BIN1: variants seen among roughly 807,000 people sequenced by gnomAD.
BIN1 encodes myc box-dependent-interacting protein 1.
A neutral mutation model predicts 82.0 loss-of-function variants in BIN1; 53 were observed. The observed-to-expected ratio is 0.65, with a 90% CI of 0.52 to 0.81. The LOEUF (loss-of-function observed/expected upper bound fraction) is 0.81. BIN1 is among the 40% of genes least tolerant of loss of function. The pLI, the probability that BIN1 is intolerant of heterozygous loss-of-function variation, is 0.00. For missense variants in BIN1, 642 were observed against 784.4 expected, an observed-to-expected ratio of 0.82 and a Z score of 2.17; for synonymous variants, 302 against 328.0, an observed-to-expected ratio of 0.92 and a Z score of 0.86.
chr2:127,102,282 C>A (rs1390630504), intron 1 of BIN1, among the ~76,000 whole-genome samples: 2 of 152,116 alleles, frequency 1.3e-5, no homozygotes, highest in African/African-American at 4.8e-5. Flanking sequence ...CTGGGCTGGA[C>A]GCTGAGTCCA....
chr2:127,077,333 C>A (rs953201872), intron 1 of BIN1, among the ~76,000 whole-genome samples: 2 of 148,916 alleles, frequency 1.3e-5, no homozygotes, highest in African/African-American at 2.5e-5. Context: ...CACACACACA[C>A]ACACAAAACA....
intron 1 of BIN1, among the ~76,000 whole-genome samples, chr2:127,095,281 G>A (rs1450872658): frequency 6.6e-6 from 1 of 152,176 alleles, no homozygotes; most frequent in Non-Finnish European, 1.5e-5. Flanking sequence ...GAGGTGGGAG[G>A]TATGCTTCTC....
In BIN1 at chr2:127,106,790, TA is replaced by T. The variant is rs977996875; in HGVS notation, c.84+69del. 52 of 1,524,258 alleles carry T rather than the reference TA, an allele frequency of 3.4e-5. No homozygotes were observed. The African/African-American group carries it at 5.5e-4, about 16-fold the overall frequency. The allele number at this position is 1,524,258 out of a possible 1,614,324, so 94.4% of individuals were successfully genotyped here. On this transcript the variant is annotated intron_variant, in intron 1 of 18. Transcript: ENST00000316724. ...AGGACCAGGCCCCGGGGTCGGAGGA[TA>T]GGGGGACAGGTGGCCGGGGCTCCGC...
chr2:127,091,482 A>C (rs1349888443), intron 1 of BIN1, among the ~76,000 whole-genome samples: 2 of 152,264 alleles, frequency 1.3e-5, no homozygotes, highest in Non-Finnish European at 2.9e-5. Flanking sequence ...CTTCGAGTCC[A>C]AGGCTGATTC....
chr2:127,103,328 C>T (rs1379670783), intron 1 of BIN1, among the ~76,000 whole-genome samples: 1 of 152,192 alleles, frequency 6.6e-6, no homozygotes, highest in East Asian at 1.9e-4. Flanking sequence ...GACCACGCAG[C>T]TGAGCATAGT....
chr2:127,088,745 A>C (rs74490912), intron 1 of BIN1, among the ~76,000 whole-genome samples: 32,887 of 150,972 alleles, frequency 0.22, 3,835 homozygotes, highest in African/African-American at 0.3. Flanking sequence ...TCTCTTAAAA[A>C]AAAAAAAAAA....
intron 12 of BIN1, 76 bp from the exon 13 acceptor site, chr2:127,054,088 C>A: frequency 8.4e-7 from 1 of 1,193,086 alleles, no homozygotes; most frequent in Non-Finnish European, 1.2e-6. Context: ...GCAGACACTG[C>A]AGGCACAGGC....
chr2:127,079,971 G>A (rs1019008278), intron 1 of BIN1, among the ~76,000 whole-genome samples: 22 of 152,232 alleles, frequency 1.4e-4, no homozygotes, highest in African/African-American at 4.8e-4. Context: ...TCAGGCTGCT[G>A]AAGCTCTCAG....
intron 1 of BIN1, among the ~76,000 whole-genome samples, chr2:127,078,588 CT>C (rs1446465609): frequency 1.3e-5 from 2 of 152,172 alleles, no homozygotes; most frequent in African/African-American, 4.8e-5. Flanking sequence ...TGATGTTGTG[CT>C]ACAGCGGTCG....
At chr2:127,083,078 C>CTTTTTTTTTTTTTTTTT (rs112344101) in intron 1 of BIN1, among the ~76,000 whole-genome samples, 2 of 142,876 alleles carry the variant, frequency 1.4e-5, no homozygotes. Context: ...TTGCTTTTTT[C>CTTTTTTTTTTTTTTTTT]TTTTTTTTTT....
At chr2:127,066,375 G>A (rs922506846) in intron 7 of BIN1, among the ~76,000 whole-genome samples, 7 of 152,226 alleles carry the variant, frequency 4.6e-5, no homozygotes, top group East Asian at 1.9e-4. Context: ...CAGGGTGGGC[G>A]TGGAGGCAGG....
chr2:127,091,259 C>G (rs953595902), intron 1 of BIN1, among the ~76,000 whole-genome samples: 17 of 152,226 alleles, frequency 1.1e-4, no homozygotes, highest in Non-Finnish European at 1.9e-4. Context: ...GGAGGCTGCC[C>G]TCACCCCAGC....
intron 12 of BIN1, among the ~76,000 whole-genome samples, chr2:127,056,653 G>A (rs1045648971): frequency 9.9e-5 from 15 of 152,230 alleles, no homozygotes; most frequent in Non-Finnish European, 1.0e-4. Context: ...CTACCCACAG[G>A]AGGAAGGCTG....
chr2:127,083,470 C>G (rs1326544053), intron 1 of BIN1, among the ~76,000 whole-genome samples: 1 of 152,206 alleles, frequency 6.6e-6, no homozygotes, highest in African/African-American at 2.4e-5. Flanking sequence ...GGATGACCTT[C>G]GCTCCACAAT....
chr2:127,067,614 G>T lies in BIN1; in HGVS notation c.612+549C>A, dbSNP rs1336848081. Reference sequence around the variant, plus strand: ...GGGTCCTCCCAGTAACTCCTCCAGAGTCACCACGGGGACCACAAGTCCGAG... The same window carrying T: ...GGGTCCTCCCAGTAACTCCTCCAGATTCACCACGGGGACCACAAGTCCGAG... On this transcript the variant is annotated intron_variant, in intron 7 of 18. Transcript: ENST00000316724. This position sits in a 1 kb window ranked among gnomAD's most constrained non-coding sequence, Gnocchi z 4.7. Among the ~76,000 whole-genome samples, 1 of 152,236 alleles carries T rather than the reference G, an allele frequency of 6.6e-6. No homozygotes were observed. Among genetic ancestry groups the T allele is most frequent in the African/African-American group, 2.4e-5 (1 of 41,462 alleles).
chr2:127,050,482 TC>T lies in BIN1; in HGVS notation c.1612del (p.Glu538SerfsTer12). On this transcript the variant is annotated frameshift_variant, in exon 18 of 19. Coordinates refer to ENST00000316724, the MANE Select transcript of BIN1 (RefSeq NM_139343.3). LOFTEE classifies it high-confidence loss of function. ...QHDYTATDTDELQLKAGDVVL... is the reference protein window; with the variant it reads ...QHDYTATDTDXLQLKAGDVVL... ...CACATCACCAGCCTTGAGCTGCAGC[TC>T]GTCTGTGTCAGTGGCCGTGTAGTCG... is the stretch of plus-strand genomic sequence containing the variant. 6.2e-7 allele frequency: 1 copy of T among 1,614,216 alleles called. No individual in the cohort carries two copies. Among genetic ancestry groups the T allele is most frequent in the South Asian group, 1.1e-5 (1 of 91,080 alleles).
intron 10 of BIN1, among the ~76,000 whole-genome samples, chr2:127,061,383 G>A (rs1334804653): frequency 2.0e-5 from 3 of 152,154 alleles, no homozygotes; most frequent in Non-Finnish European, 2.9e-5. Context: ...GCAGACAGTC[G>A]CCCTGTTTTA....
intron 1 of BIN1, among the ~76,000 whole-genome samples, chr2:127,101,004 GGT>G (rs201471144): frequency 7.3e-6 from 1 of 137,554 alleles, no homozygotes; most frequent in Non-Finnish European, 1.6e-5. Context: ...ATGTGCGGGG[GGT>G]GGGGATAGAC....
Position 127,057,701 on chromosome 2 carries a change from C to A in BIN1, c.1003-100G>T. On this transcript the variant is annotated intron_variant, in intron 11 of 18. Coordinates refer to ENST00000316724, the MANE Select transcript of BIN1 (RefSeq NM_139343.3). This position sits in a 1 kb window ranked among gnomAD's most constrained non-coding sequence, Gnocchi z 5.0. ...GACAAAGCCACGGTTAGTCACACCT[C>A]AGGCCACAGTCCCACCCAGGCCACT... 1 of 1,385,620 alleles carries A rather than the reference C, an allele frequency of 7.2e-7. No homozygotes were observed. The allele number at this position is 1,385,620 out of a possible 1,614,324, so 85.8% of individuals were successfully genotyped here.
Sources: gnomAD v4.1 joint callset for allele counts (sites outside exome capture counted in the v4.1 genomes callset) on GRCh38, gnomAD v4.1.1 for gene constraint, Gnocchi (gnomAD v3.1) non-coding constraint, MANE v1.5 for transcripts, NCBI Gene and HGNC (gene_info 2026-07-23, HGNC 2026-07-21) for gene names.